CHRM3: variants seen among roughly 807,000 people sequenced by gnomAD.
CHRM3 encodes cholinergic receptor muscarinic 3.
In CHRM3, 11 loss-of-function variants were observed where a neutral mutation model predicts 41.8. That is an observed-to-expected ratio of 0.26 (90% confidence interval 0.17 to 0.44). The LOEUF (loss-of-function observed/expected upper bound fraction) is 0.44, where lower values mean the gene tolerates loss of function less well. Among genes scored for constraint, CHRM3 ranks in the 20% least tolerant of loss-of-function variants. CHRM3 has a pLI of 1.00. For missense variants in CHRM3, 571 were observed against 745.4 expected (o/e 0.77, Z 2.72); for synonymous variants, 297 against 301.4 (o/e 0.99, Z 0.15).
At chr1:239,786,409 A>G (rs950918469) in intron 5 of CHRM3, among the ~76,000 whole-genome samples, 1 of 152,138 alleles carries the variant, frequency 6.6e-6, no homozygotes, top group Non-Finnish European at 1.5e-5. Flanking sequence ...CAACATTACT[A>G]TGAGATAGAT....
At chr1:239,563,059 G>A (rs961601704) in intron 3 of CHRM3, among the ~76,000 whole-genome samples, 1 of 151,958 alleles carries the variant, frequency 6.6e-6, no homozygotes, top group Non-Finnish European at 1.5e-5. Flanking sequence ...TTTTATTTAT[G>A]CCATTAATAT....
chr1:239,404,438 GA>G (rs1458126604), intron 1 of CHRM3, among the ~76,000 whole-genome samples: 1 of 120,332 alleles, frequency 8.3e-6, no homozygotes, highest in Admixed American at 8.2e-5. Context: ...AAGAAAGAAA[GA>G]AAGAAAGAAA....
chr1:239,712,755 G>T (rs916851634), intron 5 of CHRM3, among the ~76,000 whole-genome samples: 1 of 152,056 alleles, frequency 6.6e-6, no homozygotes, highest in Admixed American at 6.6e-5. Context: ...TTAATGAAAA[G>T]GTCCAATGTT....
intron 5 of CHRM3, among the ~76,000 whole-genome samples, chr1:239,694,026 G>T (rs1158314604): frequency 1.3e-5 from 2 of 152,126 alleles, no homozygotes; most frequent in East Asian, 3.9e-4. Context: ...ATTAGATACT[G>T]TGTATTGGGG....
chr1:239,709,115 C>G (rs1460706302), intron 5 of CHRM3, among the ~76,000 whole-genome samples: 3 of 152,024 alleles, frequency 2.0e-5, no homozygotes, highest in Non-Finnish European at 4.4e-5. Context: ...TTTAAACGTA[C>G]AATGCTTTCT....
chr1:239,736,033 A>C (rs1442109399), intron 5 of CHRM3, among the ~76,000 whole-genome samples: 1 of 152,136 alleles, frequency 6.6e-6, no homozygotes, highest in East Asian at 1.9e-4. Flanking sequence ...CTGAAGGGTA[A>C]GGAGAACTAA....
intron 2 of CHRM3, among the ~76,000 whole-genome samples, chr1:239,537,452 G>A (rs929632440): frequency 6.6e-6 from 1 of 151,920 alleles, no homozygotes; most frequent in African/African-American, 2.4e-5. Flanking sequence ...TTACTATCGA[G>A]GACCTCACCA....
rs369264632 is a variant in CHRM3, at chr1:239,766,704, T to TATAGATATAGATATAGATATAG, written c.-146-60533_-146-60532insGATATAGATAGATATAGATATA. On this transcript the variant is annotated intron_variant, in intron 5 of 6. Coordinates refer to ENST00000676153, the MANE Select transcript of CHRM3 (RefSeq NM_001375978.1). ...ATATAGATATAGATATAGATATAGATATAGATATAGATATAATTTTTCTTT... is the reference window on the plus strand; with the variant it reads ...ATATAGATATAGATATAGATATAGATATAGATATAGATATAGATATAGATAGATATAGATATAATTTTTCTTT... Among the ~76,000 whole-genome samples the TATAGATATAGATATAGATATAG allele has an allele frequency of 5.6e-3, 846 of 150,940 alleles. 7 individuals are homozygous for TATAGATATAGATATAGATATAG. The highest frequency in any genetic ancestry group is 0.019 in the African/African-American group (776 of 40,520).
At chr1:239,691,742 C>A (rs1302277332) in intron 5 of CHRM3, among the ~76,000 whole-genome samples, 2 of 152,084 alleles carry the variant, frequency 1.3e-5, no homozygotes, top group East Asian at 3.9e-4. Context: ...GCTAATGTCT[C>A]CTAATTTAGA....
intron 4 of CHRM3, among the ~76,000 whole-genome samples, 169 bp from the exon 5 acceptor site, chr1:239,678,017 G>C (rs1477711420): frequency 6.6e-6 from 1 of 152,184 alleles, no homozygotes; most frequent in Non-Finnish European, 1.5e-5. Context: ...AGGTGTCATA[G>C]AATAAAATAA....
intron 6 of CHRM3, among the ~76,000 whole-genome samples, chr1:239,828,991 A>G (rs563347014): frequency 2.6e-4 from 40 of 152,272 alleles, no homozygotes; most frequent in African/African-American, 9.4e-4. Flanking sequence ...TGAGGGCTAG[A>G]TCTGTGACTA....
intron 2 of CHRM3, among the ~76,000 whole-genome samples, chr1:239,495,515 A>G (rs1170795345): frequency 6.6e-6 from 1 of 152,150 alleles, no homozygotes; most frequent in Non-Finnish European, 1.5e-5. Context: ...CTTCAGACCT[A>G]TACTGCAGTG....
chr1:239,484,984 T>C (rs1667095349), intron 1 of CHRM3, among the ~76,000 whole-genome samples: 1 of 152,218 alleles, frequency 6.6e-6, no homozygotes, highest in Non-Finnish European at 1.5e-5. Context: ...TTCACCAGTC[T>C]AAATTTGTTG....
At chr1:239,848,002 A>C (rs1310229478) in intron 6 of CHRM3, among the ~76,000 whole-genome samples, 1 of 152,134 alleles carries the variant, frequency 6.6e-6, no homozygotes, top group Non-Finnish European at 1.5e-5. Flanking sequence ...TCATGGTAGC[A>C]AGAAGCTGAT....
At chr1:239,667,975 G>A (rs1315022752) in intron 4 of CHRM3, among the ~76,000 whole-genome samples, 1 of 151,228 alleles carries the variant, frequency 6.6e-6, no homozygotes, top group Non-Finnish European at 1.5e-5. Flanking sequence ...TTTGGAATTG[G>A]TGCAGACTCC....
chr1:239,771,669 C>T (rs565981024), intron 5 of CHRM3, among the ~76,000 whole-genome samples: 4 of 152,286 alleles, frequency 2.6e-5, no homozygotes, highest in African/African-American at 9.6e-5. Flanking sequence ...ATATATCAAG[C>T]TTTGAGGGCC....
chr1:239,891,632 T>C (rs1332873334), intron 6 of CHRM3, among the ~76,000 whole-genome samples: 1 of 152,174 alleles, frequency 6.6e-6, no homozygotes, highest in Non-Finnish European at 1.5e-5. Flanking sequence ...GCATGCACAA[T>C]TGAGCTTCAT....
At chr1:239,677,659 C>G (rs1236991895) in intron 4 of CHRM3, among the ~76,000 whole-genome samples, 2 of 152,162 alleles carry the variant, frequency 1.3e-5, no homozygotes, top group African/African-American at 4.8e-5. Flanking sequence ...ACAGCATTCT[C>G]CCACCCATGA....
intron 1 of CHRM3, among the ~76,000 whole-genome samples, chr1:239,461,811 T>G (rs566116083): frequency 9.2e-5 from 14 of 152,158 alleles, no homozygotes; most frequent in Admixed American, 8.5e-4. Flanking sequence ...TTCCATCTCC[T>G]CCTGTCTCCT....
Sources: gnomAD v4.1 joint callset for allele counts (sites outside exome capture counted in the v4.1 genomes callset) on GRCh38, gnomAD v4.1.1 for gene constraint, MANE v1.5 for transcripts, NCBI Gene and HGNC (gene_info 2026-07-23, HGNC 2026-07-21) for gene names.